RALGAPA1: variants seen among roughly 807,000 people sequenced by gnomAD.
RALGAPA1 encodes the protein Ral GTPase activating protein catalytic subunit alpha 1, also known as ral GTPase-activating protein subunit alpha-1.
Under a neutral mutation model 269.6 loss-of-function variants are expected in RALGAPA1, and 52 were observed. The ratio of observed to expected loss-of-function variants is 0.19; its 90% CI spans 0.15 to 0.24. The LOEUF is 0.24. Among genes scored for constraint, RALGAPA1 ranks in the 10% least tolerant of loss-of-function variants. RALGAPA1 has a pLI of 1.00. For missense variants in RALGAPA1, 1,917 were observed against 3,013.9 expected (o/e 0.64, Z 8.52); for synonymous variants, 817 against 1,008.3 (o/e 0.81, Z 3.60).
chr14:35,542,025 A>G (rs752626677), intron 41 of RALGAPA1: 26 of 1,257,914 alleles, frequency 2.1e-5, no homozygotes, highest in Admixed American at 9.3e-5. Context: ...TGTTATACTT[A>G]CCAACTAACA....
chr14:35,549,212 G>T lies in RALGAPA1; in HGVS notation c.7519C>A (p.Leu2507Met). 4 of 1,612,076 alleles carry T rather than the reference G, an allele frequency of 2.5e-6. No homozygotes were observed. Among genetic ancestry groups the T allele is most frequent in the Non-Finnish European group, 3.4e-6 (4 of 1,178,690 alleles). Residue 2507 changes from leucine (L) to methionine (M), a missense_variant, in exon 40 of 42, where the codon CTG becomes ATG. Physicochemically the swap from Leu to Met is conservative, Grantham distance 15 (BLOSUM62 2). Transcript: ENST00000680220. ...QNFYEERARY[L>M]QTIVQHHLEP... ...AAGTGGTGCTGGACAATTGTTTGCA[G>T]GTATCGTGCTCTCTCCTCATAGCTG...
intron 36 of RALGAPA1, among the ~76,000 whole-genome samples, chr14:35,601,370 T>TA (rs1432663806): frequency 9.9e-5 from 15 of 152,190 alleles, no homozygotes; most frequent in Non-Finnish European, 2.2e-4. Flanking sequence ...CACTATTTGA[T>TA]ACTAGCCCAG....
intron 17 of RALGAPA1, among the ~76,000 whole-genome samples, chr14:35,696,605 TAA>T (rs34309134): frequency 1.0e-3 from 145 of 145,620 alleles, no homozygotes; most frequent in East Asian, 2.6e-3. Context: ...TTTGGTACGT[TAA>T]AAAAAAAAAA....
chr14:35,756,774 C>T lies in RALGAPA1; in HGVS notation c.663+19G>A. ...CATAGGATAGTAAGGAGTGTGATATCAAAGAAGATAACAAGTACCTGAATG... is the reference window on the plus strand; with the variant it reads ...CATAGGATAGTAAGGAGTGTGATATTAAAGAAGATAACAAGTACCTGAATG... On this transcript the variant is annotated intron_variant, in intron 7 of 41. Transcript: ENST00000680220. 1 of 1,529,940 alleles carries T rather than the reference C, an allele frequency of 6.5e-7. No homozygotes were observed. Among genetic ancestry groups the T allele is most frequent in the Non-Finnish European group, 9.0e-7 (1 of 1,109,006 alleles). 94.8% of individuals were successfully genotyped at this position (1,529,940 alleles called of 1,614,324 possible).
In RALGAPA1 at chr14:35,617,750, A is replaced by G. The variant is rs183803347; in HGVS notation, c.6929+7611T>C. 2.7e-3 allele frequency among the ~76,000 whole-genome samples: 409 copies of G among 152,204 alleles called. 2 individuals carry two copies. The highest frequency in any genetic ancestry group is 7.1e-3 in the African/African-American group (295 of 41,540). On this transcript the variant is annotated intron_variant, in intron 35 of 41. Coordinates refer to ENST00000680220, the MANE Select transcript of RALGAPA1 (RefSeq NM_001346249.2). Reference sequence around the variant, plus strand: ...TCAATTCCAGATATAAGAAAAAGGAAATAAACTTTATAAAAAAGAAAATAA... The same window carrying G: ...TCAATTCCAGATATAAGAAAAAGGAGATAAACTTTATAAAAAAGAAAATAA...
At position 35,587,729 on chromosome 14, in the gene RALGAPA1, G is replaced by A. The variant is rs149426653; in HGVS notation, c.7209+7905C>T. Among the ~76,000 whole-genome samples the A allele has an allele frequency of 3.4e-4, 51 of 148,004 alleles. 1 individual carries two copies. Among genetic ancestry groups the A allele is most frequent in the Middle Eastern group, 3.4e-3 (1 of 290 alleles). On this transcript the variant is annotated intron_variant, in intron 37 of 41. Coordinates refer to ENST00000680220, the MANE Select transcript of RALGAPA1 (RefSeq NM_001346249.2). ...ACTGGGGCCTGTCGTGGGGTGGGGGGAAGGGGTAGGGATAGCATTAGGAGA... is the reference window on the plus strand; with the variant it reads ...ACTGGGGCCTGTCGTGGGGTGGGGGAAAGGGGTAGGGATAGCATTAGGAGA...
intron 37 of RALGAPA1, among the ~76,000 whole-genome samples, chr14:35,589,329 G>A (rs1420725390): frequency 6.6e-6 from 1 of 152,124 alleles, no homozygotes; most frequent in Non-Finnish European, 1.5e-5. Flanking sequence ...GTTAAAGAGA[G>A]CTATTGTACA....
chr14:35,591,575 G>A (rs2138932882), intron 37 of RALGAPA1, among the ~76,000 whole-genome samples: 1 of 152,252 alleles, frequency 6.6e-6, no homozygotes, highest in South Asian at 2.1e-4. Flanking sequence ...GCCTCCCAAA[G>A]TGCTGGGATT....
At chr14:35,688,345 A>G (rs2066140715) in intron 18 of RALGAPA1, 114 bp downstream of exon 18, 1 of 1,189,366 alleles carries the variant, frequency 8.4e-7, no homozygotes. Context: ...CCAAACAGAG[A>G]GAAAGCAGTG....
chr14:35,720,036 G>A lies in RALGAPA1; in HGVS notation c.2266+1652C>T, dbSNP rs562645803. Among the ~76,000 whole-genome samples, 3 of 152,328 alleles carry A rather than the reference G, an allele frequency of 2.0e-5. No homozygotes were observed. The East Asian group carries it at 5.8e-4, about 29-fold the overall frequency. ...CAAAGTGCTGGGATTACAGGCGTAA[G>A]CCACCGCGCCCGGCCAACAATTCTT... On this transcript the variant is annotated intron_variant, in intron 16 of 41. Coordinates refer to ENST00000680220, the MANE Select transcript of RALGAPA1 (RefSeq NM_001346249.2).
chr14:35,684,207 A>G (rs1187306038), intron 20 of RALGAPA1, among the ~76,000 whole-genome samples: 1 of 152,246 alleles, frequency 6.6e-6, no homozygotes, highest in Non-Finnish European at 1.5e-5. Flanking sequence ...TCTCCAATGC[A>G]TATCCCAGCT....
rs534139950 is a variant in RALGAPA1 at position 35,790,531 on chromosome 14, T to C, written c.107-14786A>G. On this transcript the variant is annotated intron_variant, in intron 1 of 41. Transcript: ENST00000680220. ...GGTGAAACCCCATCTCTACTAAAAA[T>C]ACAAAAATTAGCCAGGTGTGCTAGC... Among the ~76,000 whole-genome samples the C allele has an allele frequency of 5.3e-5, 8 of 151,374 alleles. No individual in the cohort carries two copies. The East Asian group carries it at 1.6e-3, about 29-fold the overall frequency.
intron 1 of RALGAPA1, among the ~76,000 whole-genome samples, chr14:35,778,521 C>T (rs565297033): frequency 6.6e-6 from 1 of 152,256 alleles, no homozygotes; most frequent in South Asian, 2.1e-4. Context: ...TCTTCCAGGA[C>T]TAGTCTAGCA....
chr14:35,605,693 T>C lies in RALGAPA1; in HGVS notation c.6946A>G (p.Ile2316Val), dbSNP rs757175603. 25 of 1,609,092 alleles carry C rather than the reference T, an allele frequency of 1.6e-5. No homozygotes were observed. Among genetic ancestry groups the C allele is most frequent in the Non-Finnish European group, 2.0e-5 (24 of 1,178,666 alleles). The change falls in exon 36 of 42, where the codon ATT becomes GTT. Residue 2316 changes from isoleucine to valine, a missense_variant. Ile to Val is a conservative substitution (Grantham distance 29). Transcript: ENST00000680220. ...CCTTCAGCAACATAAAATACTGCAA[T>C]CTTGTGTGTCTCTCGGCTATAAAAC... ...DSRQCRETHKIAVFYVAEGQE... is the reference protein window; with the variant it reads ...DSRQCRETHKVAVFYVAEGQE...
intron 26 of RALGAPA1, among the ~76,000 whole-genome samples, chr14:35,665,000 C>T (rs917412171): frequency 3.9e-5 from 6 of 152,166 alleles, no homozygotes; most frequent in Non-Finnish European, 8.8e-5. Context: ...AAATCAGCCA[C>T]AGTTAATAAG....
chr14:35,631,790 A>G (rs1043502082), intron 33 of RALGAPA1, among the ~76,000 whole-genome samples: 1 of 152,220 alleles, frequency 6.6e-6, no homozygotes, highest in Non-Finnish European at 1.5e-5. Context: ...AACTGGATAT[A>G]ACAGAAACAA....
chr14:35,802,692 T>A (rs1284899463), intron 1 of RALGAPA1, among the ~76,000 whole-genome samples: 5 of 143,730 alleles, frequency 3.5e-5, no homozygotes, highest in Non-Finnish European at 6.1e-5. Flanking sequence ...AACTGACCTT[T>A]AAAAAAAAAA....
intron 16 of RALGAPA1, among the ~76,000 whole-genome samples, chr14:35,719,573 C>A (rs947658411): frequency 6.6e-6 from 1 of 152,038 alleles, no homozygotes. Flanking sequence ...AAGATACACG[C>A]CAACATGTTA....
At position 35,556,206 on chromosome 14, in the gene RALGAPA1, G is replaced by T. The variant is rs556580848; in HGVS notation, c.7497-6972C>A. 2.6e-5 allele frequency among the ~76,000 whole-genome samples: 4 copies of T among 152,254 alleles called. No individual in the cohort carries two copies. In the East Asian group the frequency reaches 7.7e-4, roughly 29 times the overall value. On this transcript the variant is annotated intron_variant, in intron 39 of 41. Transcript: ENST00000680220. ...CATAGCATATGGGTAGACATATTTT[G>T]CAAGTACATCTCAAGGATCTCATGG...
Sources: gnomAD v4.1 joint callset for allele counts (sites outside exome capture counted in the v4.1 genomes callset) on GRCh38, gnomAD v4.1.1 for gene constraint, MANE v1.5 for transcripts, NCBI Gene and HGNC (gene_info 2026-07-23, HGNC 2026-07-21) for gene names.